Variants in MINAR1 observed in about 807,000 individuals in gnomAD.
The protein encoded by MINAR1 is membrane integral NOTCH2 associated receptor 1, also known as major intrinsically disordered Notch2-binding receptor 1.
Under a neutral mutation model 65.1 loss-of-function variants are expected in MINAR1, and 40 were observed. The ratio of observed to expected loss-of-function variants is 0.61; its 90% CI spans 0.48 to 0.80. The LOEUF is 0.80. Ranked by LOEUF, MINAR1 falls within the 30% of genes least tolerant of loss-of-function variation. MINAR1 has a pLI of 0.00. For synonymous variants in MINAR1, 482 were observed against 449.1 expected (o/e 1.07, Z -0.93); for missense variants, 1,128 against 1,148.0 (o/e 0.98, Z 0.25).
intron 2 of MINAR1, among the ~76,000 whole-genome samples, chr15:79,462,028 TTC>T (rs1241470870): frequency 6.6e-6 from 1 of 152,228 alleles, no homozygotes; most frequent in East Asian, 1.9e-4. Context: ...ACTCACATTC[TTC>T]TTTTTTCCTT....
In MINAR1 at chr15:79,468,298, G is replaced by C; in HGVS notation, c.2665G>C (p.Val889Leu). Residue 889 changes from valine to leucine, a missense_variant, in exon 4 of 4, where the codon GTC (valine) becomes CTC (leucine). Coordinates refer to ENST00000305428, the MANE Select transcript of MINAR1 (RefSeq NM_015206.3). ...AGAAGCCGAATTCAGACGAGCCAAG[G>C]TCTGCAAGATAGCTGCTCTGATCGC... ...RKEAEFRRAK[V>L]CKIAALIAAA... is the part of the protein sequence containing the mutation. The C allele has an allele frequency of 6.2e-7, 1 of 1,614,084 alleles. No homozygotes were observed. Among genetic ancestry groups the C allele is most frequent in the Non-Finnish European group, 8.5e-7 (1 of 1,180,006 alleles).
chr15:79,462,392 T>C (rs1895679469), intron 2 of MINAR1, among the ~76,000 whole-genome samples: 1 of 152,182 alleles, frequency 6.6e-6, no homozygotes. Flanking sequence ...GGACTGAGAA[T>C]ATTAATTATT....
At position 79,468,344 on chromosome 15, in the gene MINAR1, T is replaced by A; in HGVS notation, c.2711T>A (p.Ile904Asn). ...ALIAAAACTV[I>N]LVIVVPICTM... ...ATCGCTGCTGCGGCATGCACCGTCA[T>A]CCTCGTTATTGTCGTGCCCATCTGC... is the stretch of plus-strand genomic sequence containing the variant. The change falls in exon 4 of 4, where the codon ATC becomes AAC. Residue 904 changes from isoleucine to asparagine, a missense_variant. By Grantham distance (149) the Ile-to-Asn change is moderately radical. Transcript: ENST00000305428. 5 of 1,614,138 alleles carry A rather than the reference T, an allele frequency of 3.1e-6. No individual in the cohort carries two copies. The highest frequency in any genetic ancestry group is 4.2e-6 in the Non-Finnish European group (5 of 1,180,016).
chr15:79,460,261 G>A (rs1330703309), intron 2 of MINAR1, among the ~76,000 whole-genome samples: 1 of 152,126 alleles, frequency 6.6e-6, no homozygotes, highest in African/African-American at 2.4e-5. Context: ...GCCCACCTTT[G>A]GAGCTTTGGT....
At chr15:79,425,546 C>T in the MINAR1 span, 1 of 152,214 alleles carries the variant, frequency 6.6e-6, no homozygotes, top group African/African-American at 2.4e-5. Flanking sequence ...TCCACTGTTT[C>T]CTCCTTTATC....
chr15:79,464,082 C>G (rs1332630648), intron 3 of MINAR1, among the ~76,000 whole-genome samples: 3 of 152,122 alleles, frequency 2.0e-5, no homozygotes, highest in Non-Finnish European at 4.4e-5. Context: ...TATGGCAAGG[C>G]TTCCCTGAAA....
intron 1 of MINAR1, among the ~76,000 whole-genome samples, chr15:79,434,489 C>G (rs1476048390): frequency 6.6e-6 from 1 of 152,226 alleles, no homozygotes; most frequent in Non-Finnish European, 1.5e-5. Context: ...AGCCCTTTCT[C>G]AAATCTTGAC....
rs1239826211 is a variant in MINAR1, at chr15:79,466,077, G to T, written c.2554-2110G>T. ...GTTTCTTGCAAAGGCTGAAGGGTTG[G>T]ACAGAGCACTCTGCACAATAGGGAC... On this transcript the variant is annotated intron_variant, in intron 3 of 3. Coordinates refer to ENST00000305428, the MANE Select transcript of MINAR1 (RefSeq NM_015206.3). 3.4e-3 allele frequency among the ~76,000 whole-genome samples: 515 copies of T among 152,278 alleles called. 2 individuals are homozygous for T. Among genetic ancestry groups the T allele is most frequent in the African/African-American group, 0.012 (488 of 41,560 alleles).
At chr15:79,443,233 T>A (rs2141281836) in intron 1 of MINAR1, among the ~76,000 whole-genome samples, 1 of 152,272 alleles carries the variant, frequency 6.6e-6, no homozygotes, top group South Asian at 2.1e-4. Flanking sequence ...CACAAGAGGA[T>A]GTGATTGGCT....
At position 79,457,962 on chromosome 15, in the gene MINAR1, A is replaced by T; in HGVS notation, c.1815A>T (p.Glu605Asp). Residue 605 changes from glutamate to aspartate, a missense_variant, in exon 2 of 4, where the codon GAA (glutamate) becomes GAT (aspartate). Transcript: ENST00000305428. ...GCAAACTGGTGCTCAGGATTGGCGA[A>T]ATTGAACGGAAGCTGGAATCCCTGT... ...SVCKLVLRIG[E>D]IERKLESLSG... 6.2e-7 allele frequency: 1 copy of T among 1,614,118 alleles called. No individual in the cohort carries two copies. The highest frequency in any genetic ancestry group is 8.5e-7 in the Non-Finnish European group (1 of 1,179,986).
At chr15:79,460,684 G>T (rs959860056) in intron 2 of MINAR1, among the ~76,000 whole-genome samples, 9 of 152,174 alleles carry the variant, frequency 5.9e-5, no homozygotes, top group Admixed American at 1.3e-4. Flanking sequence ...GGTTGCGCAG[G>T]GCCCCCTATT....
At chr15:79,460,035 G>T (rs938585696) in intron 2 of MINAR1, among the ~76,000 whole-genome samples, 2 of 152,194 alleles carry the variant, frequency 1.3e-5, no homozygotes, top group Admixed American at 6.5e-5. Flanking sequence ...AACCAGCCAT[G>T]CCTCCCACCT....
chr15:79,459,718 A>T (rs1895577958), intron 2 of MINAR1, among the ~76,000 whole-genome samples: 1 of 152,140 alleles, frequency 6.6e-6, no homozygotes, highest in African/African-American at 2.4e-5. Context: ...GGGTCCAAAG[A>T]GGGGAGGGAG....
At chr15:79,411,474 C>G in the MINAR1 span, 7 of 702,346 alleles carry the variant, frequency 1.0e-5, no homozygotes, top group Non-Finnish European at 1.3e-5. Flanking sequence ...CACCTGCCAC[C>G]GAGGGACTGG....
At chr15:79,448,678 G>A (rs562079655) in intron 1 of MINAR1, among the ~76,000 whole-genome samples, 23 of 152,276 alleles carry the variant, frequency 1.5e-4, no homozygotes, top group Middle Eastern at 6.8e-3. Context: ...ATATTTTGGC[G>A]TATTGGAAAG....
intron 1 of MINAR1, among the ~76,000 whole-genome samples, chr15:79,449,661 C>A (rs4779084): frequency 0.66 from 99,869 of 152,044 alleles, 34,549 homozygotes; most frequent in East Asian, 0.83. Flanking sequence ...GCCTCCCCTA[C>A]CCTAGACCAG....
At chr15:79,424,864 T>C in the MINAR1 span, 3 of 152,314 alleles carry the variant, frequency 2.0e-5, no homozygotes, top group East Asian at 5.8e-4. Flanking sequence ...TGTTATTGGA[T>C]GCTTGGGTGC....
Position 79,443,564 on chromosome 15 carries a change from T to G in MINAR1, c.-51+11024T>G, listed in dbSNP as rs111920794. On this transcript the variant is annotated intron_variant, in intron 1 of 3. Transcript: ENST00000305428. ...TTTATGTATACATCCCTAAATAATCTATTTGAGGTTTTTTTTCCAATTACA... is the reference window on the plus strand; with the variant it reads ...TTTATGTATACATCCCTAAATAATCGATTTGAGGTTTTTTTTCCAATTACA... Among the ~76,000 whole-genome samples the G allele has an allele frequency of 2.9e-3, 438 of 152,346 alleles. 3 individuals carry two copies. Among genetic ancestry groups the G allele is most frequent in the African/African-American group, 9.9e-3 (412 of 41,574 alleles).
intron 1 of MINAR1, among the ~76,000 whole-genome samples, chr15:79,437,376 G>C (rs1257240039): frequency 6.6e-6 from 1 of 151,492 alleles, no homozygotes; most frequent in Admixed American, 6.6e-5. Flanking sequence ...GTAGTGAGTG[G>C]ATGTGGTGGG....
Sources: gnomAD v4.1 joint callset for allele counts (sites outside exome capture counted in the v4.1 genomes callset) on GRCh38, gnomAD v4.1.1 for gene constraint, MANE v1.5 for transcripts, NCBI Gene and HGNC (gene_info 2026-07-23, HGNC 2026-07-21) for gene names.